The following TBCA variants were observed in gnomAD, a reference collection of about 807,000 sequenced individuals.
The protein encoded by TBCA is tubulin folding cofactor A, also known as tubulin-specific chaperone A.
Under a neutral mutation model 15.8 loss-of-function variants are expected in TBCA, and 6 were observed. That is an observed-to-expected ratio of 0.38 (90% confidence interval 0.21 to 0.75). The LOEUF is 0.75. Among genes scored for constraint, TBCA ranks in the 30% least tolerant of loss-of-function variants. The pLI, the probability that TBCA is intolerant of heterozygous loss-of-function variation, is 0.46. For missense variants in TBCA, 90 were observed against 131.2 expected (o/e 0.69, Z 1.53); for synonymous variants, 32 against 42.3 (o/e 0.76, Z 0.94).
intron 1 of TBCA, among the ~76,000 whole-genome samples, chr5:77,744,404 C>T (rs1001884316): frequency 2.0e-5 from 3 of 151,912 alleles, no homozygotes; most frequent in African/African-American, 7.3e-5. Context: ...CCCAAAATAT[C>T]GAAAGTGCCA....
intron 2 of TBCA, among the ~76,000 whole-genome samples, chr5:77,694,871 T>C (rs1745840125): frequency 6.6e-6 from 1 of 152,214 alleles, no homozygotes; most frequent in Non-Finnish European, 1.5e-5. Context: ...CTTAAACCTC[T>C]TTTACTAATA....
intron 1 of TBCA, 168 bp from the exon 2 acceptor site, chr5:77,708,515 T>G: frequency 2.0e-6 from 1 of 489,962 alleles, no homozygotes; most frequent in Non-Finnish European, 3.7e-6. Flanking sequence ...ATAAGCATGA[T>G]CCTCATGCTC....
At chr5:77,745,674 C>T (rs1747170217) in intron 1 of TBCA, among the ~76,000 whole-genome samples, 1 of 152,170 alleles carries the variant, frequency 6.6e-6, no homozygotes, top group African/African-American at 2.4e-5. Context: ...TTCTGGTGAA[C>T]AGTGGTCAAT....
intron 1 of TBCA, among the ~76,000 whole-genome samples, chr5:77,726,179 TAGA>T: frequency 6.6e-6 from 1 of 152,326 alleles, no homozygotes; most frequent in South Asian, 2.1e-4. Context: ...TGCAAAACTG[TAGA>T]AAAGCCATGC....
At chr5:77,752,405 T>G (rs1208986286) in intron 1 of TBCA, among the ~76,000 whole-genome samples, 1 of 152,148 alleles carries the variant, frequency 6.6e-6, no homozygotes, top group Non-Finnish European at 1.5e-5. Flanking sequence ...AGTTTTTTCT[T>G]TTTATCCATT....
intron 2 of TBCA, among the ~76,000 whole-genome samples, chr5:77,699,526 T>C (rs577051441): frequency 2.0e-5 from 3 of 152,182 alleles, no homozygotes; most frequent in Admixed American, 1.3e-4. Flanking sequence ...CAACTGGACA[T>C]TGACTGGCAA....
intron 1 of TBCA, among the ~76,000 whole-genome samples, chr5:77,733,846 A>G (rs1453978728): frequency 1.3e-5 from 2 of 152,220 alleles, no homozygotes; most frequent in Non-Finnish European, 2.9e-5. Context: ...TTCCATAGGT[A>G]GAAATTAGAA....
chr5:77,730,294 C>G (rs1017074253), intron 1 of TBCA, among the ~76,000 whole-genome samples: 22 of 152,078 alleles, frequency 1.4e-4, no homozygotes, highest in African/African-American at 5.3e-4. Context: ...GGTAGAAGGT[C>G]ACATGAAGAC....
intron 1 of TBCA, among the ~76,000 whole-genome samples, chr5:77,757,497 A>G (rs1747502385): frequency 6.6e-6 from 1 of 152,172 alleles, no homozygotes; most frequent in Non-Finnish European, 1.5e-5. Flanking sequence ...CCAGAAAAGG[A>G]GTTGTACAGC....
At chr5:77,749,467 CTAG>C (rs1423771861) in intron 1 of TBCA, among the ~76,000 whole-genome samples, 1 of 152,182 alleles carries the variant, frequency 6.6e-6, no homozygotes, top group Non-Finnish European at 1.5e-5. Flanking sequence ...ATAAAATGGA[CTAG>C]TGTCTACACA....
chr5:77,700,447 T>C (rs1452279240), intron 2 of TBCA, among the ~76,000 whole-genome samples: 2 of 151,992 alleles, frequency 1.3e-5, no homozygotes, highest in African/African-American at 4.8e-5. Context: ...AATAAGCACA[T>C]GAAAAAACAT....
At chr5:77,708,171 C>CTT in intron 2 of TBCA, 71 bp downstream of exon 2, 2 of 994,034 alleles carry the variant, frequency 2.0e-6, no homozygotes, top group Non-Finnish European at 3.0e-6. Context: ...CAGAGGACTA[C>CTT]TGTAAAAACT....
chr5:77,708,614 G>C (rs952719808), intron 1 of TBCA: 6 of 188,094 alleles, frequency 3.2e-5, no homozygotes, highest in Non-Finnish European at 6.6e-5. Flanking sequence ...CTGTCTCCCA[G>C]GCTGGAGTGC....
Position 77,691,268 on chromosome 5 carries a change from CAT to C in TBCA, c.*148_*149del, listed in dbSNP as rs1376574938. 9.4e-6 allele frequency: 6 copies of C among 640,754 alleles called. No homozygotes were observed. In the African/African-American group the frequency reaches 1.2e-4, roughly 12 times the overall value. 39.7% of individuals were successfully genotyped at this position (640,754 alleles called of 1,614,324 possible). ...TTATTAGATGAACTCATTTATTTGA[CAT>C]ATTAAATTAGACAAAGAAATATATA... On this transcript the variant is annotated 3_prime_UTR_variant, in exon 4 of 4. Transcript: ENST00000380377.
intron 2 of TBCA, 112 bp downstream of exon 2, chr5:77,708,130 G>C (rs1421642853): frequency 1.9e-5 from 13 of 683,072 alleles, no homozygotes; most frequent in Non-Finnish European, 2.8e-5. Flanking sequence ...AGTTTTAATA[G>C]TAAAGAAGTA....
chr5:77,727,702 T>C (rs532261097), intron 1 of TBCA, among the ~76,000 whole-genome samples: 7 of 152,004 alleles, frequency 4.6e-5, no homozygotes, highest in South Asian at 4.1e-4. Flanking sequence ...AAAAAGCAAA[T>C]AGAGTCAATA....
At chr5:77,728,679 TTTTA>T (rs936457152) in intron 1 of TBCA, among the ~76,000 whole-genome samples, 2 of 152,170 alleles carry the variant, frequency 1.3e-5, no homozygotes, top group South Asian at 2.1e-4. Flanking sequence ...AAATTTTATT[TTTTA>T]TTTATTTATT....
At chr5:77,765,692 C>T (rs1165589198) in intron 1 of TBCA, among the ~76,000 whole-genome samples, 1 of 152,146 alleles carries the variant, frequency 6.6e-6, no homozygotes, top group African/African-American at 2.4e-5. Flanking sequence ...CCATGTATCT[C>T]ATGGCTGCTC....
intron 2 of TBCA, among the ~76,000 whole-genome samples, chr5:77,706,593 TC>T (rs1746155346): frequency 6.6e-6 from 1 of 151,984 alleles, no homozygotes; most frequent in Non-Finnish European, 1.5e-5. Flanking sequence ...GGTAGGCAGA[TC>T]GCCTGAGGTC....
Sources: allele counts gnomAD v4.1 joint callset (sites outside exome capture counted in the v4.1 genomes callset), GRCh38; gene constraint gnomAD v4.1.1; transcripts MANE v1.5; gene names NCBI Gene and HGNC (gene_info 2026-07-23, HGNC 2026-07-21).